ZNF541: variants seen among roughly 807,000 people sequenced by gnomAD.
The protein encoded by ZNF541 is zinc finger protein 541.
Under a neutral mutation model 123.5 loss-of-function variants are expected in ZNF541, and 23 were observed. That is an observed-to-expected ratio of 0.19 (90% confidence interval 0.13 to 0.26). The LOEUF (loss-of-function observed/expected upper bound fraction) is 0.26. ZNF541 is among the 10% of genes least tolerant of loss of function. ZNF541 has a pLI of 1.00. For synonymous variants in ZNF541, 751 were observed against 754.5 expected, an observed-to-expected ratio of 1.00 and a Z score of 0.08; for missense variants, 1,612 against 1,789.9, an observed-to-expected ratio of 0.90 and a Z score of 1.79.
chr19:47,545,994 C>A lies in ZNF541; in HGVS notation c.549-14G>T. Reference sequence around the variant, plus strand: ...ATGTGCCCGGTCCTGGAGCCAGACACAAGCAGGGGCGTCACCGGGGCACCT... The same window carrying A: ...ATGTGCCCGGTCCTGGAGCCAGACAAAAGCAGGGGCGTCACCGGGGCACCT... On this transcript the variant is annotated splice_polypyrimidine_tract_variant and intron_variant, in intron 4 of 16. Transcript: ENST00000391901. This position sits in a 1 kb window ranked among gnomAD's most constrained non-coding sequence, Gnocchi z 7.5. 6.9e-7 allele frequency: 1 copy of A among 1,447,174 alleles called. No homozygotes were observed. The highest frequency in any genetic ancestry group is 9.1e-7 in the Non-Finnish European group (1 of 1,093,710). 89.6% of individuals were successfully genotyped at this position (1,447,174 alleles called of 1,614,324 possible). A position where few individuals can be genotyped will look rare whatever the true frequency, so the allele number is the denominator to read the frequency against.
intron 3 of ZNF541, 87 bp downstream of exon 3, chr19:47,555,463 A>T: frequency 7.3e-7 from 1 of 1,367,330 alleles, no homozygotes; most frequent in Non-Finnish European, 9.6e-7. Flanking sequence ...AAATTTTCTT[A>T]ACCAATCCAT....
At chr19:47,552,121 G>T (rs1026419955) in intron 3 of ZNF541, among the ~76,000 whole-genome samples, 29 of 152,206 alleles carry the variant, frequency 1.9e-4, no homozygotes, top group African/African-American at 6.5e-4. Flanking sequence ...GCCTCCCAAA[G>T]TGCTGGGATT....
Position 47,555,821 on chromosome 19 carries a change from G to A in ZNF541, c.36C>T (p.Leu12=). The A allele has an allele frequency of 6.4e-7, 1 of 1,551,590 alleles. No homozygotes were observed. Residue 12 remains leucine (L), a synonymous_variant, in exon 3 of 17, where the codon CTC becomes CTT. Coordinates refer to ENST00000391901, the MANE Select transcript of ZNF541 (RefSeq NM_001277075.3). The part of the protein sequence containing the change: ...DQYSLGDEGA[L]PSEMHLPSFS... The stretch of plus-strand genomic sequence containing the variant: ...ATGAAGGGAGGTGCATTTCTGATGG[G>A]AGGGCACCCTCGTCTCCAAGGCTGT...
intron 4 of ZNF541, among the ~76,000 whole-genome samples, 168 bp from the exon 5 acceptor site, chr19:47,546,148 G>A (rs887217645): frequency 2.7e-5 from 4 of 150,596 alleles, no homozygotes; most frequent in African/African-American, 9.9e-5. Context: ...TTCGGTCAAA[G>A]CCATCTGGCA....
Position 47,545,372 on chromosome 19 carries a change from T to G in ZNF541, c.1157A>C (p.Glu386Ala), listed in dbSNP as rs1010499823. Residue 386 changes from glutamate to alanine, a missense_variant, in exon 5 of 17, where the codon GAA becomes GCA. Glu to Ala is a moderately radical substitution (Grantham distance 107, BLOSUM62 -1). Around this residue, in one of 5 missense-constraint regions of ZNF541, gnomAD observed 1,080 missense variants for 1,013.8 expected, o/e 1.07. Coordinates refer to ENST00000391901, the MANE Select transcript of ZNF541 (RefSeq NM_001277075.3). The surrounding 1 kb of genome is among the most constrained non-coding windows in gnomAD (Gnocchi z 7.5). ...QARSTAECWP[E>A]GGSVPACLPL... is the part of the protein sequence containing the mutation. ...CAGGCAGGCAGGCACGGAGCCGCCT[T>G]CGGGCCAGCACTCCGCGGTGGACCG... 6.5e-6 allele frequency: 10 copies of G among 1,537,190 alleles called. No individual in the cohort carries two copies. The African/African-American group carries it at 1.2e-4, about 19-fold the overall frequency.
At chr19:47,526,991 C>T (rs1969329202) in intron 14 of ZNF541, among the ~76,000 whole-genome samples, 1 of 152,186 alleles carries the variant, frequency 6.6e-6, no homozygotes, top group African/African-American at 2.4e-5. Flanking sequence ...GAATACTATT[C>T]AGCAGTGAAA....
chr19:47,542,130 C>T (rs1489826260), intron 5 of ZNF541, among the ~76,000 whole-genome samples: 2 of 152,116 alleles, frequency 1.3e-5, no homozygotes, highest in Non-Finnish European at 2.9e-5. Context: ...AAGCCAGATA[C>T]GAATGCCACA....
chr19:47,531,989 C>A, intron 11 of ZNF541, 139 bp downstream of exon 11: 1 of 1,216,278 alleles, frequency 8.2e-7, no homozygotes. Flanking sequence ...CAACGCTGGC[C>A]AAGAGCCAGC....
intron 2 of ZNF541, among the ~76,000 whole-genome samples, chr19:47,570,433 C>T (rs756378750): frequency 6.6e-6 from 1 of 151,466 alleles, no homozygotes; most frequent in African/African-American, 2.4e-5. Context: ...AAAAATTAGC[C>T]GGGCATGGTG....
At chr19:47,554,387 T>C (rs1404643564) in intron 3 of ZNF541, among the ~76,000 whole-genome samples, 2 of 152,064 alleles carry the variant, frequency 1.3e-5, no homozygotes, top group African/African-American at 4.8e-5. Context: ...GCCGAGATTG[T>C]GCCACTGCAC....
At chr19:47,558,182 C>A (rs373727969) in intron 2 of ZNF541, among the ~76,000 whole-genome samples, 1 of 152,020 alleles carries the variant, frequency 6.6e-6, no homozygotes, top group Non-Finnish European at 1.5e-5. Flanking sequence ...TTTGGGAGAC[C>A]GAGGTGGGCG....
intron 12 of ZNF541, among the ~76,000 whole-genome samples, chr19:47,529,967 T>C (rs899397413): frequency 6.6e-6 from 1 of 152,172 alleles, no homozygotes; most frequent in Non-Finnish European, 1.5e-5. Context: ...TTGAGGAGTA[T>C]GACCCTTGCG....
rs1381765642 is a variant in ZNF541 at position 47,555,911 on chromosome 19, T to C, written c.-55A>G. 1.4e-6 allele frequency: 2 copies of C among 1,477,692 alleles called. No individual in the cohort carries two copies. The highest frequency in any genetic ancestry group is 1.4e-5 in the African/African-American group (1 of 71,000). 91.5% of individuals were successfully genotyped at this position (1,477,692 alleles called of 1,614,324 possible). A position where few individuals can be genotyped will look rare whatever the true frequency, so the allele number is the denominator to read the frequency against. Reference sequence around the variant, plus strand: ...GCTACTCTCCAGATAAGCAAAACCATGTAAGGAGACAGGGAGGAGAGAGCC... The same window carrying C: ...GCTACTCTCCAGATAAGCAAAACCACGTAAGGAGACAGGGAGGAGAGAGCC... On this transcript the variant is annotated 5_prime_UTR_variant, in exon 3 of 17. The change abolishes an upstream ATG in the 5' untranslated region. Coordinates refer to ENST00000391901, the MANE Select transcript of ZNF541 (RefSeq NM_001277075.3).
At chr19:47,537,893 G>A (rs930670436) in intron 9 of ZNF541, among the ~76,000 whole-genome samples, 17 of 152,146 alleles carry the variant, frequency 1.1e-4, no homozygotes, top group African/African-American at 4.1e-4. Flanking sequence ...AAAAGAAAAT[G>A]ACACAGAAGG....
At chr19:47,560,290 A>G (rs1163616414) in intron 2 of ZNF541, among the ~76,000 whole-genome samples, 1 of 152,176 alleles carries the variant, frequency 6.6e-6, no homozygotes, top group East Asian at 1.9e-4. Context: ...GCTTTGAAAA[A>G]ATGAGCCAGG....
At chr19:47,568,761 C>T (rs1312765115) in intron 2 of ZNF541, among the ~76,000 whole-genome samples, 1 of 152,136 alleles carries the variant, frequency 6.6e-6, no homozygotes, top group Non-Finnish European at 1.5e-5. Flanking sequence ...CAACCTCCGC[C>T]TCCTGGGTTC....
At chr19:47,570,335 T>A (rs1971430298) in intron 2 of ZNF541, among the ~76,000 whole-genome samples, 1 of 151,268 alleles carries the variant, frequency 6.6e-6, no homozygotes, top group Non-Finnish European at 1.5e-5. Flanking sequence ...CCCAGCACTT[T>A]GGGAGGCTGA....
intron 3 of ZNF541, among the ~76,000 whole-genome samples, chr19:47,549,974 G>A (rs1240044561): frequency 6.6e-6 from 1 of 152,134 alleles, no homozygotes; most frequent in Non-Finnish European, 1.5e-5. Context: ...TATCTGGGTT[G>A]GGTGTGGTAG....
At chr19:47,554,530 C>T (rs2123276300) in intron 3 of ZNF541, among the ~76,000 whole-genome samples, 1 of 152,286 alleles carries the variant, frequency 6.6e-6, no homozygotes, top group Middle Eastern at 3.4e-3. Flanking sequence ...TTTTGTTTTA[C>T]TCTGGGGGGA....
Sources: gnomAD v4.1 joint callset for allele counts (sites outside exome capture counted in the v4.1 genomes callset) on GRCh38, gnomAD v4.1.1 for gene constraint, gnomAD v4.1.1 regional missense constraint, Gnocchi (gnomAD v3.1) non-coding constraint, MANE v1.5 for transcripts, NCBI Gene and HGNC (gene_info 2026-07-23, HGNC 2026-07-21) for gene names.